Variants in CPLANE1 observed in about 807,000 individuals in gnomAD.
CPLANE1 encodes ciliogenesis and planar polarity effector complex subunit 1.
CPLANE1 carries 263 observed loss-of-function variants against 362.5 expected under a neutral mutation model. The observed-to-expected ratio is 0.73, with a 90% CI of 0.66 to 0.80. The LOEUF is 0.80. CPLANE1 is among the 30% of genes least tolerant of loss of function. CPLANE1 has a pLI of 0.00. For synonymous variants in CPLANE1, 1,212 were observed against 1,302.6 expected, an observed-to-expected ratio of 0.93 and a Z score of 1.50; for missense variants, 3,461 against 3,793.4, an observed-to-expected ratio of 0.91 and a Z score of 2.30.
At chr5:37,153,546 C>T (rs1774169261) in intron 42 of CPLANE1, among the ~76,000 whole-genome samples, 194 bp downstream of exon 42, 1 of 152,100 alleles carries the variant, frequency 6.6e-6, no homozygotes, top group African/African-American at 2.4e-5. Flanking sequence ...GCCAAATATC[C>T]TACAACGCAT....
intron 2 of CPLANE1, among the ~76,000 whole-genome samples, chr5:37,246,781 G>A (rs190277074): frequency 6.6e-6 from 1 of 152,092 alleles, no homozygotes; most frequent in Non-Finnish European, 1.5e-5. Flanking sequence ...GGTGGCATGC[G>A]TCTGTAATCC....
At position 37,185,077 on chromosome 5, in the gene CPLANE1, G is replaced by T; in HGVS notation, c.4192C>A (p.Pro1398Thr). The change falls in exon 25 of 53, where the codon CCC becomes ACC. Residue 1398 changes from proline (P) to threonine (T), a missense_variant and splice_region_variant. By Grantham distance (38) the Pro-to-Thr change is conservative. Coordinates refer to ENST00000651892, the MANE Select transcript of CPLANE1 (RefSeq NM_001384732.1). Reference protein sequence around the residue: ...QRLRHCVVKGPQTEEMMSVVM... With the variant: ...QRLRHCVVKGTQTEEMMSVVM... ...ACAGACATCATTTCCTCAGTCTGGGGTCCTGGAAAGAAAAGAATAAAAAGT... is the reference window on the plus strand; with the variant it reads ...ACAGACATCATTTCCTCAGTCTGGGTTCCTGGAAAGAAAAGAATAAAAAGT... 6.3e-7 allele frequency: 1 copy of T among 1,593,946 alleles called. No individual in the cohort carries two copies. The highest frequency in any genetic ancestry group is 8.5e-7 in the Non-Finnish European group (1 of 1,173,920).
At chr5:37,111,714 G>T (rs1460733901) in intron 51 of CPLANE1, among the ~76,000 whole-genome samples, 3 of 152,068 alleles carry the variant, frequency 2.0e-5, no homozygotes, top group African/African-American at 7.2e-5. Flanking sequence ...TAGTTGAAAA[G>T]GTTTGACATT....
chr5:37,201,070 C>T (rs1255430443), intron 19 of CPLANE1, among the ~76,000 whole-genome samples: 6 of 152,176 alleles, frequency 3.9e-5, no homozygotes, highest in Non-Finnish European at 5.9e-5. Context: ...GCAATCTTCC[C>T]GCCTTGGCCT....
downstream of CPLANE1, among the ~76,000 whole-genome samples, chr5:37,104,529 G>A (rs1408548656): frequency 6.6e-6 from 1 of 151,798 alleles, no homozygotes; most frequent in African/African-American, 2.4e-5. Context: ...GAACCTTGGA[G>A]GAAGAGGTTG....
In CPLANE1 at chr5:37,237,996, T is replaced by C. The variant is rs113437607; in HGVS notation, c.938+861A>G. 7.3e-3 allele frequency among the ~76,000 whole-genome samples: 1,111 copies of C among 152,268 alleles called. 18 individuals carry two copies. The highest frequency in any genetic ancestry group is 0.025 in the African/African-American group (1,045 of 41,548). On this transcript the variant is annotated intron_variant, in intron 8 of 52. Coordinates refer to ENST00000651892, the MANE Select transcript of CPLANE1 (RefSeq NM_001384732.1). ...AAGTTCAAGACCAGCATGGTCAATA[T>C]AGCAAGACCCTGTCTCTACAAAAAA...
intron 47 of CPLANE1, among the ~76,000 whole-genome samples, chr5:37,124,628 A>G (rs933566064): frequency 1.3e-5 from 2 of 152,180 alleles, no homozygotes; most frequent in African/African-American, 2.4e-5. Flanking sequence ...TCATAGCTCA[A>G]TACAGTCTCA....
Position 37,107,308 on chromosome 5 carries a change from A to C in CPLANE1, c.*294T>G, listed in dbSNP as rs182673990. The C allele has an allele frequency of 1.3e-4, 146 of 1,109,822 alleles. No homozygotes were observed. The African/African-American group carries it at 2.0e-3, about 15-fold the overall frequency. 68.7% of individuals were successfully genotyped at this position (1,109,822 alleles called of 1,614,324 possible). A position where few individuals can be genotyped will look rare whatever the true frequency, so the allele number is the denominator to read the frequency against. On this transcript the variant is annotated 3_prime_UTR_variant, in exon 53 of 53. Transcript: ENST00000651892. Reference sequence around the variant, plus strand: ...AAGATAGAGGGTTTTTATTGAAAGTAGGTTATGCAAACTTGGCTTGAAAGG... The same window carrying C: ...AAGATAGAGGGTTTTTATTGAAAGTCGGTTATGCAAACTTGGCTTGAAAGG...
At chr5:37,234,367 C>T (rs1287982093) in intron 8 of CPLANE1, among the ~76,000 whole-genome samples, 1 of 137,934 alleles carries the variant, frequency 7.2e-6, no homozygotes, top group African/African-American at 2.7e-5. Flanking sequence ...GAGAAATTTA[C>T]CAAGGAGAAA....
chr5:37,209,257 T>C lies in CPLANE1; in HGVS notation c.2921-2832A>G. Reference sequence around the variant, plus strand: ...ACCCCTCAGGACAGAAGCAGGGCTCTGGAGGGCAGGGATTCCCCCTCGTCT... The same window carrying C: ...ACCCCTCAGGACAGAAGCAGGGCTCCGGAGGGCAGGGATTCCCCCTCGTCT... On this transcript the variant is annotated intron_variant, in intron 16 of 52. Transcript: ENST00000651892. This position sits in a 1 kb window ranked among gnomAD's most constrained non-coding sequence, Gnocchi z 4.6. The C allele has an allele frequency of 1.5e-6, 1 of 687,762 alleles. No individual in the cohort carries two copies. The highest frequency in any genetic ancestry group is 2.7e-6 in the Non-Finnish European group (1 of 374,006). 42.6% of individuals were successfully genotyped at this position (687,762 alleles called of 1,614,324 possible). A position where few individuals can be genotyped will look rare whatever the true frequency, so the allele number is the denominator to read the frequency against.
chr5:37,085,487 C>G, the CPLANE1 span: 6 of 813,012 alleles, frequency 7.4e-6, no homozygotes, highest in Admixed American at 1.7e-5. Context: ...ATGATGCTCA[C>G]AGCATCCGCT....
chr5:37,122,931 G>A (rs1393647436), intron 47 of CPLANE1, among the ~76,000 whole-genome samples: 1 of 151,862 alleles, frequency 6.6e-6, no homozygotes, highest in East Asian at 1.9e-4. Flanking sequence ...ATAAATGGAA[G>A]GCAAAATCTA....
intron 29 of CPLANE1, 152 bp from the exon 30 acceptor site, chr5:37,177,852 C>T: frequency 4.7e-6 from 3 of 632,800 alleles, no homozygotes; most frequent in Non-Finnish European, 8.4e-6. Flanking sequence ...ACTCCCAGTC[C>T]TGCTCTGACC....
rs1243394087 is a variant in CPLANE1, at chr5:37,183,488, C to A, written c.4693G>T (p.Asp1565Tyr). 4 of 1,613,474 alleles carry A rather than the reference C, an allele frequency of 2.5e-6. No individual in the cohort carries two copies. Among genetic ancestry groups the A allele is most frequent in the South Asian group, 2.2e-5 (2 of 91,030 alleles). Residue 1565 changes from aspartate (D) to tyrosine (Y), a missense_variant, in exon 26 of 53, where the codon GAC becomes TAC. Asp to Tyr is a radical substitution (Grantham distance 160, BLOSUM62 -3). Coordinates refer to ENST00000651892, the MANE Select transcript of CPLANE1 (RefSeq NM_001384732.1). ...DLFLSYILER[D>Y]LPYSRDADIP... ...TCAGCATCCCTGGAATAAGGTAGGT[C>A]TCTTTCAAGAATGTAACTCAAAAAC... is the stretch of plus-strand genomic sequence containing the variant.
At chr5:37,218,840 C>T (rs747979151) in intron 15 of CPLANE1, among the ~76,000 whole-genome samples, 9 of 151,086 alleles carry the variant, frequency 6.0e-5, no homozygotes, top group South Asian at 4.2e-4. Flanking sequence ...CCCAGCTACT[C>T]GGGAGGCTGA....
chr5:37,188,098 AT>A (rs1784531640), intron 21 of CPLANE1, among the ~76,000 whole-genome samples: 1 of 152,180 alleles, frequency 6.6e-6, no homozygotes, highest in Non-Finnish European at 1.5e-5. Context: ...ATAGTAAATA[AT>A]TTTTTATTAA....
At chr5:37,151,368 A>G (rs1030372620) in intron 42 of CPLANE1, among the ~76,000 whole-genome samples, 3 of 152,194 alleles carry the variant, frequency 2.0e-5, no homozygotes, top group Admixed American at 1.3e-4. Context: ...CATGTCAGGC[A>G]TATCTATGTG....
chr5:37,104,324 G>A (rs1013353523), downstream of CPLANE1, among the ~76,000 whole-genome samples: 10 of 152,040 alleles, frequency 6.6e-5, no homozygotes, highest in African/African-American at 1.7e-4. Flanking sequence ...CAGGATAGGC[G>A]TGGTGGCTCA....
chr5:37,180,985 AGTGTCACG>A lies in CPLANE1; in HGVS notation c.5434_5441del (p.Arg1812TrpfsTer9). Reference sequence around the variant, plus strand: ...CAATATTGGGTCCAATCTGACACCCAGTGTCACGATTCTCTACCATCTAAAGCAAACCA... The same window carrying A: ...CAATATTGGGTCCAATCTGACACCCAATTCTCTACCATCTAAAGCAAACCA... On this transcript the variant is annotated frameshift_variant, in exon 27 of 53. Coordinates refer to ENST00000651892, the MANE Select transcript of CPLANE1 (RefSeq NM_001384732.1). LOFTEE classifies it high-confidence loss of function. 1 of 1,613,892 alleles carries A rather than the reference AGTGTCACG, an allele frequency of 6.2e-7. No individual in the cohort carries two copies. Among genetic ancestry groups the A allele is most frequent in the Non-Finnish European group, 8.5e-7 (1 of 1,179,906 alleles).
Sources: gnomAD v4.1 joint callset for allele counts (sites outside exome capture counted in the v4.1 genomes callset) on GRCh38, gnomAD v4.1.1 for gene constraint, Gnocchi (gnomAD v3.1) non-coding constraint, MANE v1.5 for transcripts, NCBI Gene and HGNC (gene_info 2026-07-23, HGNC 2026-07-21) for gene names.